The following CDH4 variants were observed in gnomAD, a reference collection of about 807,000 sequenced individuals.
The protein encoded by CDH4 is cadherin 4.
In CDH4, 33 loss-of-function variants were observed where a neutral mutation model predicts 86.0. The ratio of observed to expected loss-of-function variants is 0.38; its 90% CI spans 0.29 to 0.51. The LOEUF (loss-of-function observed/expected upper bound fraction) is 0.51, where lower values mean the gene tolerates loss of function less well. Ranked by LOEUF, CDH4 falls within the 20% of genes least tolerant of loss-of-function variation. The pLI, the probability that CDH4 is intolerant of heterozygous loss-of-function variation, is 0.86. For synonymous variants in CDH4, 555 were observed against 549.4 expected (o/e 1.01, Z -0.14); for missense variants, 1,114 against 1,307.4 (o/e 0.85, Z 2.28).
rs551815144 is a variant in CDH4, at chr20:61,599,727, G to GCTCCTC, written c.170-143830_170-143825dup. On this transcript the variant is annotated intron_variant, in intron 2 of 15. Coordinates refer to ENST00000614565, the MANE Select transcript of CDH4 (RefSeq NM_001794.5). ...GGGCTCCTTCATCTGCCGAGGCCCC[G>GCTCCTC]CTCCTCCTCCTGACGCGGCTCTGCC... is the stretch of plus-strand genomic sequence containing the variant. 4 of 902,852 alleles carry GCTCCTC rather than the reference G, an allele frequency of 4.4e-6. No individual in the cohort carries two copies. The African/African-American group carries it at 7.2e-5, about 16-fold the overall frequency. The allele number at this position is 902,852 out of a possible 1,614,324, so 55.9% of individuals were successfully genotyped here. A position where few individuals can be genotyped will look rare whatever the true frequency, so the allele number is the denominator to read the frequency against.
At chr20:61,759,638 AACTTGCTAATTTAATTTAATTTTT>A (rs763523426) in intron 3 of CDH4, among the ~76,000 whole-genome samples, 44 of 151,886 alleles carry the variant, frequency 2.9e-4, no homozygotes, top group Non-Finnish European at 5.1e-4. Context: ...ATTTTCCCTT[AACTTGCTAATTTAATTTAATTTTT>A]TTTTTACTAT....
At chr20:61,567,237 C>G (rs2086305317) in intron 2 of CDH4, among the ~76,000 whole-genome samples, 1 of 152,210 alleles carries the variant, frequency 6.6e-6, no homozygotes, top group Non-Finnish European at 1.5e-5. Context: ...CCTTTGTAAG[C>G]TCTTCTAGCT....
At chr20:61,452,982 T>A (rs984562275) in intron 2 of CDH4, among the ~76,000 whole-genome samples, 1 of 152,220 alleles carries the variant, frequency 6.6e-6, no homozygotes, top group African/African-American at 2.4e-5. Context: ...TGTAACTTCT[T>A]AGAAGTTAAA....
In CDH4 at chr20:61,628,238, A is replaced by G. The variant is rs533490619; in HGVS notation, c.170-115325A>G. On this transcript the variant is annotated intron_variant, in intron 2 of 15. Transcript: ENST00000614565. ...CTGCTGCGTCGGCCTGAAAACACAC[A>G]CAGGTGCTGAGGTCTCGTAGAGATG... Among the ~76,000 whole-genome samples, 15 of 152,098 alleles carry G rather than the reference A, an allele frequency of 9.9e-5. 1 individual carries two copies. The South Asian group carries it at 2.9e-3, about 30-fold the overall frequency.
At position 61,287,259 on chromosome 20, in the gene CDH4, C is replaced by T. The variant is rs192896031; in HGVS notation, c.169+32322C>T. On this transcript the variant is annotated intron_variant, in intron 2 of 15. Transcript: ENST00000614565. ...CACTACATCTTCTTTAAAATAAGCA[C>T]GAATAGGGGCACTCATGGCCAGCTT... 3.1e-3 allele frequency among the ~76,000 whole-genome samples: 471 copies of T among 152,180 alleles called. 2 individuals carry two copies. The highest frequency in any genetic ancestry group is 4.8e-3 in the Non-Finnish European group (329 of 68,016).
At chr20:61,600,007 T>C (rs1023934558) in intron 2 of CDH4, 3 of 929,430 alleles carry the variant, frequency 3.2e-6, no homozygotes, top group Non-Finnish European at 3.9e-6. Context: ...GTGCTAATGA[T>C]GGGGAAAGTG....
intron 2 of CDH4, among the ~76,000 whole-genome samples, chr20:61,334,656 G>T (rs1051564347): frequency 3.3e-5 from 5 of 152,168 alleles, no homozygotes; most frequent in Non-Finnish European, 7.4e-5. Flanking sequence ...CAAAGGTCCC[G>T]CCTCTTTGTG....
intron 2 of CDH4, among the ~76,000 whole-genome samples, chr20:61,301,762 T>C (rs547825306): frequency 6.6e-6 from 1 of 152,304 alleles, no homozygotes; most frequent in African/African-American, 2.4e-5. Context: ...CGAATCTGCA[T>C]TGGCAAGATA....
At chr20:61,664,879 TTA>T (rs1357577200) in intron 2 of CDH4, among the ~76,000 whole-genome samples, 1 of 152,210 alleles carries the variant, frequency 6.6e-6, no homozygotes, top group Non-Finnish European at 1.5e-5. Context: ...TTTTCAACAC[TTA>T]TTTGGAAGAG....
intron 2 of CDH4, among the ~76,000 whole-genome samples, chr20:61,258,324 C>T (rs1225775014): frequency 0.017 from 65 of 3,770 alleles, no homozygotes; most frequent in African/African-American, 0.03. Flanking sequence ...AACGAGACTC[C>T]GTCTCAAAAA....
intron 2 of CDH4, among the ~76,000 whole-genome samples, chr20:61,568,885 C>A (rs1445197142): frequency 6.6e-6 from 1 of 152,210 alleles, no homozygotes; most frequent in Non-Finnish European, 1.5e-5. Flanking sequence ...CTTTCTCCCC[C>A]AATGAGAGTG....
intron 2 of CDH4, among the ~76,000 whole-genome samples, chr20:61,559,850 G>A (rs1409092406): frequency 6.6e-6 from 1 of 152,122 alleles, no homozygotes. Flanking sequence ...TGTCCCAGCT[G>A]GCCATGCCGC....
intron 2 of CDH4, among the ~76,000 whole-genome samples, chr20:61,715,106 T>G (rs73314445): frequency 0.047 from 7,099 of 152,278 alleles, 514 homozygotes; most frequent in African/African-American, 0.15. Flanking sequence ...GGCCATTCTG[T>G]CTAGGGAAAG....
At chr20:61,353,380 G>A (rs969769752) in intron 2 of CDH4, among the ~76,000 whole-genome samples, 12 of 152,068 alleles carry the variant, frequency 7.9e-5, no homozygotes, top group South Asian at 2.1e-4. Context: ...AATCTCCAGC[G>A]ATGTGCCAAG....
At chr20:61,478,324 G>T (rs2085550629) in intron 2 of CDH4, among the ~76,000 whole-genome samples, 1 of 152,182 alleles carries the variant, frequency 6.6e-6, no homozygotes, top group South Asian at 2.1e-4. Flanking sequence ...GCAGCAATGG[G>T]TGTGTATCCT....
chr20:61,440,820 A>ACAG (rs2085311339), intron 2 of CDH4, among the ~76,000 whole-genome samples: 2 of 152,320 alleles, frequency 1.3e-5, no homozygotes, highest in South Asian at 4.2e-4. Flanking sequence ...TGAGACAGGC[A>ACAG]CAGCATGGGG....
chr20:61,680,006 G>C (rs2087492915), intron 2 of CDH4, among the ~76,000 whole-genome samples: 1 of 152,182 alleles, frequency 6.6e-6, no homozygotes, highest in African/African-American at 2.4e-5. Context: ...GCAGCCCCCA[G>C]GAAGCTGAGG....
intron 2 of CDH4, among the ~76,000 whole-genome samples, chr20:61,343,113 C>G (rs2084657651): frequency 6.6e-6 from 1 of 152,194 alleles, no homozygotes; most frequent in African/African-American, 2.4e-5. Flanking sequence ...GGTGTCATTT[C>G]AAAGCTGCTG....
chr20:61,260,654 C>T lies in CDH4; in HGVS notation c.169+5717C>T, dbSNP rs530216155. The stretch of plus-strand genomic sequence containing the variant: ...GACTACTTCTTTCTGAGCACCCAGA[C>T]CCCCACTGCCTCCATGGGTGGTCAC... On this transcript the variant is annotated intron_variant, in intron 2 of 15. Coordinates refer to ENST00000614565, the MANE Select transcript of CDH4 (RefSeq NM_001794.5). Among the ~76,000 whole-genome samples the T allele has an allele frequency of 1.0e-3, 153 of 152,328 alleles. 1 individual carries two copies. Among genetic ancestry groups the T allele is most frequent in the African/African-American group, 3.3e-3 (138 of 41,580 alleles).
Sources: gnomAD v4.1 joint callset for allele counts (sites outside exome capture counted in the v4.1 genomes callset) on GRCh38, gnomAD v4.1.1 for gene constraint, MANE v1.5 for transcripts, NCBI Gene and HGNC (gene_info 2026-07-23, HGNC 2026-07-21) for gene names.